The following ZNF197 variants were observed in gnomAD, a reference collection of about 807,000 sequenced individuals.
ZNF197 encodes the protein VHL-associated KRAB-A domain-containing protein.
A neutral mutation model predicts 27.4 loss-of-function variants in ZNF197; 14 were observed. The observed-to-expected ratio is 0.51, with a 90% confidence interval of 0.34 to 0.80. The LOEUF is 0.80. Among genes scored for constraint, ZNF197 ranks in the 30% least tolerant of loss-of-function variants. The pLI is 0.02. For synonymous variants in ZNF197, 415 were observed against 420.0 expected (o/e 0.99, Z 0.15); for missense variants, 1,090 against 1,222.6 (o/e 0.89, Z 1.62).
At chr3:44,641,233 C>T (rs1411404863) in intron 5 of ZNF197, among the ~76,000 whole-genome samples, 1 of 152,086 alleles carries the variant, frequency 6.6e-6, no homozygotes, top group African/African-American at 2.4e-5. Flanking sequence ...CTTTTCTTTT[C>T]TGTATTTCTT....
intron 5 of ZNF197, among the ~76,000 whole-genome samples, chr3:44,638,814 T>TG (rs1702444262): frequency 6.6e-6 from 1 of 152,204 alleles, no homozygotes; most frequent in Non-Finnish European, 1.5e-5. Flanking sequence ...CTAATCCTGT[T>TG]ATCTCAGCCT....
Position 44,642,192 on chromosome 3 carries a change from T to A in ZNF197, c.1062T>A (p.Gly354=). 1.9e-6 allele frequency: 3 copies of A among 1,614,072 alleles called. No individual in the cohort carries two copies. The South Asian group carries it at 3.3e-5, about 18-fold the overall frequency. The change falls in exon 6 of 6, where the codon GGT becomes GGA. Residue 354 remains glycine (G), a synonymous_variant. Coordinates refer to ENST00000344387, the MANE Select transcript of ZNF197 (RefSeq NM_006991.5). ...AATTAGGAGACAGCTTGACTTTCGG[T>A]TCAGCTATTTCTGAAAGTTTAATAG... ...WKELGDSLTF[G]SAISESLIGT... is the part of the protein sequence containing the mutation.
rs764829783 is a variant in ZNF197, at chr3:44,631,055, T to C, written c.391-7T>C. The C allele has an allele frequency of 6.2e-7, 1 of 1,614,042 alleles. No homozygotes were observed. Among genetic ancestry groups the C allele is most frequent in the South Asian group, 1.1e-5 (1 of 91,082 alleles). ...AAGAAGAGCTAGCTTATTTTACTTG[T>C]TTCCAGGTTCCAGTCCTTGTCAAGG... On this transcript the variant is annotated splice_region_variant and splice_polypyrimidine_tract_variant and intron_variant, in intron 2 of 5. Transcript: ENST00000344387.
rs150727145 is a variant in ZNF197, at chr3:44,631,172, G to A, written c.501G>A (p.Pro167=). The A allele has an allele frequency of 3.6e-5, 58 of 1,614,064 alleles. No homozygotes were observed. The African/African-American group carries it at 5.6e-4, about 16-fold the overall frequency. ...GCCACATAGCAGCTGAAATTTGCCCGCATCCTCCTACTGACCTAGTGGCAT... is the reference window on the plus strand; with the variant it reads ...GCCACATAGCAGCTGAAATTTGCCCACATCCTCCTACTGACCTAGTGGCAT... ...PGSHIAAEIC[P]HPPTDLVAFN... Residue 167 remains proline, a synonymous_variant, in exon 3 of 6, where the codon CCG becomes CCA. Coordinates refer to ENST00000344387, the MANE Select transcript of ZNF197 (RefSeq NM_006991.5).
intron 1 of ZNF197, among the ~76,000 whole-genome samples, chr3:44,625,750 GCACACA>G (rs56833441): frequency 0.3 from 44,613 of 148,820 alleles, 7,160 homozygotes; most frequent in East Asian, 0.7. Context: ...GCGCGCGCGC[GCACACA>G]CACACACACA....
chr3:44,634,980 C>T (rs180843081), intron 5 of ZNF197, among the ~76,000 whole-genome samples: 2 of 152,212 alleles, frequency 1.3e-5, no homozygotes, highest in East Asian at 3.9e-4. Context: ...CACCACCCTC[C>T]AAGCTTGTTT....
chr3:44,629,877 A>G (rs1216463779), intron 2 of ZNF197, among the ~76,000 whole-genome samples: 1 of 152,220 alleles, frequency 6.6e-6, no homozygotes, highest in African/African-American at 2.4e-5. Flanking sequence ...ACAGAAGCCT[A>G]TGTATTGTTT....
Position 44,643,959 on chromosome 3 carries a change from G to A in ZNF197, c.2829G>A (p.Arg943=). 2 of 1,614,030 alleles carry A rather than the reference G, an allele frequency of 1.2e-6. No homozygotes were observed. Among genetic ancestry groups the A allele is most frequent in the Non-Finnish European group, 1.7e-6 (2 of 1,180,004 alleles). ...DKCRKSFTSK[R]NLVGHQRIHT... ...GTAGGAAATCCTTTACTTCTAAGAGGAATTTAGTTGGCCACCAGAGAATTC... is the reference window on the plus strand; with the variant it reads ...GTAGGAAATCCTTTACTTCTAAGAGAAATTTAGTTGGCCACCAGAGAATTC... Residue 943 remains arginine (R), a synonymous_variant, in exon 6 of 6, where the codon AGG becomes AGA. Coordinates refer to ENST00000344387, the MANE Select transcript of ZNF197 (RefSeq NM_006991.5).
chr3:44,632,510 C>G lies in ZNF197; in HGVS notation c.680C>G (p.Thr227Ser). 1 of 1,609,114 alleles carries G rather than the reference C, an allele frequency of 6.2e-7. No homozygotes were observed. The highest frequency in any genetic ancestry group is 1.3e-5 in the African/African-American group (1 of 74,770). ...TTCGAGGAGGTGTCAGTATGCTTCACTTCAGAGGAATGGGCATGTCTGGGC... is the reference window on the plus strand; with the variant it reads ...TTCGAGGAGGTGTCAGTATGCTTCAGTTCAGAGGAATGGGCATGTCTGGGC... ...VMFEEVSVCF[T>S]SEEWACLGPI... Residue 227 changes from threonine (T) to serine (S), a missense_variant, in exon 5 of 6, where the codon ACT becomes AGT. Thr to Ser is a moderately conservative substitution (Grantham distance 58). Coordinates refer to ENST00000344387, the MANE Select transcript of ZNF197 (RefSeq NM_006991.5).
In ZNF197 at chr3:44,644,411, A is replaced by AAGGTAG; in HGVS notation, c.*191_*192insAGGTAG. On this transcript the variant is annotated 3_prime_UTR_variant, in exon 6 of 6. Transcript: ENST00000344387. The stretch of plus-strand genomic sequence containing the variant: ...CCCAGCACTTTGAGAGGCCGAAGCG[A>AAGGTAG]GTGGATCACCTGAGGTCAGGATTTT... The AAGGTAG allele has an allele frequency of 7.7e-7, 1 of 1,300,058 alleles. No homozygotes were observed. The highest frequency in any genetic ancestry group is 9.8e-7 in the Non-Finnish European group (1 of 1,016,478). 80.5% of individuals were successfully genotyped at this position (1,300,058 alleles called of 1,614,324 possible).
chr3:44,629,555 CAGGG>C lies in ZNF197; in HGVS notation c.390+16_390+19del. ...GGACCAGCAATACAAGTGAGAAAGACAGGGAGGGGCGGTGGGTGTTGGGATGAAA... is the reference window on the plus strand; with the variant it reads ...GGACCAGCAATACAAGTGAGAAAGACAGGGGCGGTGGGTGTTGGGATGAAA... On this transcript the variant is annotated intron_variant, in intron 2 of 5. Transcript: ENST00000344387. The C allele has an allele frequency of 6.5e-7, 1 of 1,537,634 alleles. No homozygotes were observed. The highest frequency in any genetic ancestry group is 1.8e-4 in the Middle Eastern group (1 of 5,684).
At chr3:44,638,200 CTTA>C (rs1702408735) in intron 5 of ZNF197, among the ~76,000 whole-genome samples, 2 of 151,716 alleles carry the variant, frequency 1.3e-5, no homozygotes, top group African/African-American at 4.8e-5. Context: ...TTATCCTAAT[CTTA>C]TTGTTTGAGA....
chr3:44,646,594 C>T lies in ZNF197; in HGVS notation c.*2374C>T. 2 of 879,360 alleles carry T rather than the reference C, an allele frequency of 2.3e-6. No homozygotes were observed. Among genetic ancestry groups the T allele is most frequent in the Non-Finnish European group, 3.8e-6 (2 of 519,492 alleles). The allele number at this position is 879,360 out of a possible 1,614,324, so 54.5% of individuals were successfully genotyped here. On this transcript the variant is annotated 3_prime_UTR_variant, in exon 6 of 6. Coordinates refer to ENST00000344387, the MANE Select transcript of ZNF197 (RefSeq NM_006991.5). ...CATAAGAAAGCTGCCCTGGATTCTT[C>T]AAAATATTATTATGATGAAAAAGAG...
chr3:44,627,068 G>A (rs1290898391), intron 1 of ZNF197, among the ~76,000 whole-genome samples: 1 of 152,050 alleles, frequency 6.6e-6, no homozygotes, highest in Non-Finnish European at 1.5e-5. Context: ...CATTCATGGT[G>A]TCCTACCATT....
chr3:44,629,816 T>C (rs6809371), intron 2 of ZNF197, among the ~76,000 whole-genome samples: 4,701 of 152,304 alleles, frequency 0.031, 237 homozygotes, highest in African/African-American at 0.11. Flanking sequence ...TTGCTAATGC[T>C]GAGTTTGGAC....
intron 5 of ZNF197, among the ~76,000 whole-genome samples, chr3:44,638,953 A>G (rs1009122630): frequency 5.9e-5 from 9 of 152,222 alleles, no homozygotes; most frequent in Non-Finnish European, 1.0e-4. Flanking sequence ...GCCTCAAGCA[A>G]TCCACCTACC....
Position 44,646,551 on chromosome 3 carries a change from C to A in ZNF197, c.*2331C>A, listed in dbSNP as rs373205944. The A allele has an allele frequency of 1.6e-6, 2 of 1,219,480 alleles. No individual in the cohort carries two copies. Among genetic ancestry groups the A allele is most frequent in the Middle Eastern group, 1.9e-4 (1 of 5,318 alleles). 75.5% of individuals were successfully genotyped at this position (1,219,480 alleles called of 1,614,324 possible). On this transcript the variant is annotated 3_prime_UTR_variant, in exon 6 of 6. Transcript: ENST00000344387. ...AAGACACCACGAGAAACAGACACAT[C>A]CAGAACGTGGAATATTGCATAAGAA...
At chr3:44,638,242 T>A (rs1397188844) in intron 5 of ZNF197, among the ~76,000 whole-genome samples, 2 of 152,194 alleles carry the variant, frequency 1.3e-5, no homozygotes, top group Non-Finnish European at 2.9e-5. Flanking sequence ...TAATTTTCTT[T>A]GTGGATTATT....
chr3:44,640,723 C>T lies in ZNF197; in HGVS notation c.770-1177C>T, dbSNP rs1702553510. 6.6e-6 allele frequency among the ~76,000 whole-genome samples: 1 copy of T among 152,148 alleles called. No homozygotes were observed. Among genetic ancestry groups the T allele is most frequent in the Non-Finnish European group, 1.5e-5 (1 of 68,042 alleles). ...CACTGTGAATAAGGAAACTGAAGTA[C>T]CAGCATTAGATAGGCTTAAGACACA... is the stretch of plus-strand genomic sequence containing the variant. On this transcript the variant is annotated intron_variant, in intron 5 of 5. Transcript: ENST00000344387. The surrounding 1 kb of genome is among the most constrained non-coding windows in gnomAD (Gnocchi z 4.0).
Sources: allele counts gnomAD v4.1 joint callset (sites outside exome capture counted in the v4.1 genomes callset), GRCh38; gene constraint gnomAD v4.1.1; non-coding constraint Gnocchi (gnomAD v3.1); transcripts MANE v1.5; gene names NCBI Gene and HGNC (gene_info 2026-07-23, HGNC 2026-07-21).